Variants in LAPTM4A observed in about 807,000 individuals in gnomAD.
LAPTM4A encodes lysosomal protein transmembrane 4 alpha.
Under a neutral mutation model 29.9 loss-of-function variants are expected in LAPTM4A, and 19 were observed. The observed-to-expected ratio is 0.64, with a 90% CI of 0.44 to 0.93. The LOEUF (loss-of-function observed/expected upper bound fraction) is 0.93. Among genes scored for constraint, LAPTM4A ranks in the 40% least tolerant of loss-of-function variants. The pLI, the probability that LAPTM4A is intolerant of heterozygous loss-of-function variation, is 0.00. For synonymous variants in LAPTM4A, 105 were observed against 102.1 expected, an observed-to-expected ratio of 1.03 and a Z score of -0.17; for missense variants, 293 against 288.5, an observed-to-expected ratio of 1.02 and a Z score of -0.11.
At chr2:20,044,895 C>T (rs969937684) in intron 1 of LAPTM4A, among the ~76,000 whole-genome samples, 1 of 152,146 alleles carries the variant, frequency 6.6e-6, no homozygotes, top group African/African-American at 2.4e-5. Context: ...ACTGGAAAAC[C>T]CATCCTTGTG....
Position 20,050,554 on chromosome 2 carries a change from C to G in LAPTM4A, c.111+856G>C, listed in dbSNP as rs1674031284. On this transcript the variant is annotated intron_variant, in intron 1 of 6. Coordinates refer to ENST00000175091, the MANE Select transcript of LAPTM4A (RefSeq NM_014713.5). Reference sequence around the variant, plus strand: ...GAATCCCATATTTGGAAGTCATAGACAAGTTAGGTTTAATGTGCATGGATA... The same window carrying G: ...GAATCCCATATTTGGAAGTCATAGAGAAGTTAGGTTTAATGTGCATGGATA... Among the ~76,000 whole-genome samples the G allele has an allele frequency of 2.6e-5, 4 of 152,130 alleles. No homozygotes were observed. The South Asian group carries it at 8.3e-4, about 31-fold the overall frequency.
At chr2:20,047,034 AG>A (rs1179679235) in intron 1 of LAPTM4A, among the ~76,000 whole-genome samples, 3 of 151,974 alleles carry the variant, frequency 2.0e-5, no homozygotes, top group Admixed American at 1.3e-4. Context: ...AGTACATACA[AG>A]AAGGATCCAG....
At chr2:20,050,735 A>C (rs1674039898) in intron 1 of LAPTM4A, among the ~76,000 whole-genome samples, 1 of 152,222 alleles carries the variant, frequency 6.6e-6, no homozygotes, top group Non-Finnish European at 1.5e-5. Flanking sequence ...GCTCTCAATA[A>C]AGGTCTCTGT....
intron 1 of LAPTM4A, among the ~76,000 whole-genome samples, chr2:20,043,278 G>A (rs1287961319): frequency 2.1e-5 from 3 of 140,812 alleles, no homozygotes; most frequent in Admixed American, 7.6e-5. Context: ...GCAGTGGCAC[G>A]ATCTCGGCTT....
At chr2:20,039,470 T>C (rs981151663) in intron 2 of LAPTM4A, among the ~76,000 whole-genome samples, 6 of 152,328 alleles carry the variant, frequency 3.9e-5, no homozygotes, top group African/African-American at 1.4e-4. Flanking sequence ...GAGTCTGCTA[T>C]GGGCTGGGCA....
intron 4 of LAPTM4A, among the ~76,000 whole-genome samples, chr2:20,036,192 A>AG (rs5829722): frequency 1 from 152,347 of 152,348 alleles, 76,173 homozygotes; most frequent in Non-Finnish European, 1. Context: ...CCAGGCCAAC[A>AG]GCCCTGCCCC....
chr2:20,048,150 T>G (rs977071410), intron 1 of LAPTM4A, among the ~76,000 whole-genome samples: 1 of 152,212 alleles, frequency 6.6e-6, no homozygotes, highest in Admixed American at 6.5e-5. Context: ...ATGCTCAAAA[T>G]GTAGTCTTGT....
chr2:20,041,077 T>C, intron 1 of LAPTM4A, 66 bp from the exon 2 acceptor site: 2 of 1,456,236 alleles, frequency 1.4e-6, no homozygotes, highest in Middle Eastern at 1.7e-4. Flanking sequence ...GCACAATCTC[T>C]AGATGTCCTC....
intron 1 of LAPTM4A, among the ~76,000 whole-genome samples, chr2:20,045,032 C>T (rs902718798): frequency 6.6e-6 from 1 of 152,248 alleles, no homozygotes; most frequent in Non-Finnish European, 1.5e-5. Flanking sequence ...GCACGAGCCA[C>T]CGCTCCTGGC....
intron 1 of LAPTM4A, among the ~76,000 whole-genome samples, chr2:20,045,133 T>A (rs1013575212): frequency 2.0e-5 from 3 of 152,258 alleles, no homozygotes; most frequent in African/African-American, 7.2e-5. Context: ...AAGTTGATAT[T>A]TCTAAATTAC....
chr2:20,037,259 T>C, intron 4 of LAPTM4A, 57 bp downstream of exon 4: 1 of 1,406,524 alleles, frequency 7.1e-7, no homozygotes, highest in Non-Finnish European at 9.7e-7. Context: ...AGAATTTAAA[T>C]GTAAACATTT....
intron 1 of LAPTM4A, 46 bp downstream of exon 1, chr2:20,051,364 G>A: frequency 1.5e-6 from 1 of 674,204 alleles, no homozygotes; most frequent in Non-Finnish European, 2.2e-6. Flanking sequence ...ACCAGGCCCC[G>A]CTCCCCAGGC....
chr2:20,046,958 T>C (rs1673937426), intron 1 of LAPTM4A, among the ~76,000 whole-genome samples: 2 of 150,420 alleles, frequency 1.3e-5, no homozygotes, highest in Non-Finnish European at 3.0e-5. Flanking sequence ...GGAGAACATC[T>C]TGCTGTAGAG....
chr2:20,051,605 T>A lies in LAPTM4A; in HGVS notation c.-85A>T. 1 of 871,678 alleles carries A rather than the reference T, an allele frequency of 1.1e-6. No homozygotes were observed. Among genetic ancestry groups the A allele is most frequent in the Non-Finnish European group, 1.8e-6 (1 of 554,264 alleles). 54.0% of individuals were successfully genotyped at this position (871,678 alleles called of 1,614,324 possible). ...AAACTCAAACGGCTGTTTCACGGCC[T>A]CCAAAACCCAACGACGCGTCTTCAA... On this transcript the variant is annotated 5_prime_UTR_variant, in exon 1 of 7. Coordinates refer to ENST00000175091, the MANE Select transcript of LAPTM4A (RefSeq NM_014713.5).
intron 1 of LAPTM4A, among the ~76,000 whole-genome samples, chr2:20,041,691 T>C (rs1250176869): frequency 6.6e-6 from 1 of 152,080 alleles, no homozygotes; most frequent in African/African-American, 2.4e-5. Context: ...CCCACGACCA[T>C]ACGCGGGTGA....
chr2:20,034,384 T>C lies in LAPTM4A; in HGVS notation c.560A>G (p.Tyr187Cys), dbSNP rs1379784961. 1 of 1,613,934 alleles carries C rather than the reference T, an allele frequency of 6.2e-7. No homozygotes were observed. Among genetic ancestry groups the C allele is most frequent in the Non-Finnish European group, 8.5e-7 (1 of 1,179,756 alleles). The stretch of plus-strand genomic sequence containing the variant: ...CACGTTTCGGTTGTTGATGTATTTA[T>C]AGCAGTTCCAAACACAGTTAATTAG... ...AYLINCVWNC[Y>C]KYINNRNVPE... is the part of the protein sequence containing the mutation. The change falls in exon 6 of 7, where the codon TAT becomes TGT. Residue 187 changes from tyrosine to cysteine, a missense_variant. Transcript: ENST00000175091.
At chr2:20,043,630 T>G (rs558650040) in intron 1 of LAPTM4A, among the ~76,000 whole-genome samples, 1 of 152,332 alleles carries the variant, frequency 6.6e-6, no homozygotes, top group African/African-American at 2.4e-5. Flanking sequence ...TTCACTAACA[T>G]CCGCTAGATA....
intron 1 of LAPTM4A, among the ~76,000 whole-genome samples, chr2:20,046,851 C>T (rs978148945): frequency 2.8e-5 from 4 of 142,476 alleles, no homozygotes; most frequent in African/African-American, 1.0e-4. Context: ...AGGCTGGTCT[C>T]GAACTCCTGG....
chr2:20,035,258 G>C, intron 4 of LAPTM4A, 196 bp from the exon 5 acceptor site: 1 of 541,662 alleles, frequency 1.8e-6, no homozygotes, highest in Non-Finnish European at 3.3e-6. Flanking sequence ...CAATCACTTA[G>C]AGTACATTTG....
Sources: allele counts gnomAD v4.1 joint callset (sites outside exome capture counted in the v4.1 genomes callset), GRCh38; gene constraint gnomAD v4.1.1; transcripts MANE v1.5; gene names NCBI Gene and HGNC (gene_info 2026-07-23, HGNC 2026-07-21).